ERC1: variants seen among roughly 807,000 people sequenced by gnomAD.
The protein encoded by ERC1 is ELKS/RAB6-interacting/CAST family member 1.
A neutral mutation model predicts 132.0 loss-of-function variants in ERC1; 56 were observed. The ratio of observed to expected loss-of-function variants is 0.42; its 90% confidence interval spans 0.34 to 0.53. The LOEUF (loss-of-function observed/expected upper bound fraction) is 0.53. Among genes scored for constraint, ERC1 ranks in the 20% least tolerant of loss-of-function variants. The pLI is 0.03. For synonymous variants in ERC1, 478 were observed against 476.1 expected (o/e 1.00, Z -0.05); for missense variants, 1,202 against 1,349.9 (o/e 0.89, Z 1.72).
chr12:1,205,516 C>A (rs529551836), intron 12 of ERC1, among the ~76,000 whole-genome samples: 3 of 151,598 alleles, frequency 2.0e-5, no homozygotes, highest in South Asian at 2.1e-4. Flanking sequence ...AAAGAGTTAG[C>A]CCGCCAAAAA....
chr12:1,067,622 G>T (rs1274720105), intron 2 of ERC1, among the ~76,000 whole-genome samples: 1 of 152,158 alleles, frequency 6.6e-6, no homozygotes, highest in African/African-American at 2.4e-5. Context: ...TAGGAAGGGA[G>T]CCCTGGATAC....
chr12:1,361,258 TG>T (rs2086080611), intron 15 of ERC1, among the ~76,000 whole-genome samples: 1 of 54,842 alleles, frequency 1.8e-5, no homozygotes, highest in African/African-American at 7.5e-5. Context: ...GGGACTGTTG[TG>T]GGGTGGGGGG....
At chr12:1,180,435 C>G in intron 8 of ERC1, 105 bp from the exon 9 acceptor site, 2 of 1,023,176 alleles carry the variant, frequency 2.0e-6, no homozygotes, top group Non-Finnish European at 2.9e-6. Flanking sequence ...TGCACACACA[C>G]AGACAACCCT....
chr12:1,424,837 A>C (rs1448823464), intron 17 of ERC1, among the ~76,000 whole-genome samples: 3 of 93,648 alleles, frequency 3.2e-5, no homozygotes, highest in Admixed American at 1.1e-4. Flanking sequence ...ATAGATAGAT[A>C]GATAGATGAT....
intron 1 of ERC1, among the ~76,000 whole-genome samples, chr12:1,022,402 T>A (rs2154146026): frequency 6.6e-6 from 1 of 152,348 alleles, no homozygotes; most frequent in African/African-American, 2.4e-5. Context: ...TCAGGGTATG[T>A]AGTGATTTTA....
chr12:1,111,212 T>C (rs990033618), intron 5 of ERC1, among the ~76,000 whole-genome samples: 4 of 152,168 alleles, frequency 2.6e-5, no homozygotes, highest in Non-Finnish European at 5.9e-5. Flanking sequence ...TCAGTCACAA[T>C]GTTCCTTCCT....
chr12:1,429,596 G>A (rs1191465098), intron 17 of ERC1, among the ~76,000 whole-genome samples: 1 of 152,042 alleles, frequency 6.6e-6, no homozygotes, highest in African/African-American at 2.4e-5. Flanking sequence ...TTAGGTACGT[G>A]GTAAAAAATA....
At chr12:1,400,698 T>G (rs1473423501) in intron 16 of ERC1, among the ~76,000 whole-genome samples, 1 of 152,104 alleles carries the variant, frequency 6.6e-6, no homozygotes, top group Non-Finnish European at 1.5e-5. Flanking sequence ...TCTTTCTCCA[T>G]TAGATTGTCT....
chr12:1,363,903 A>G (rs550257214), intron 15 of ERC1, among the ~76,000 whole-genome samples: 20 of 152,214 alleles, frequency 1.3e-4, no homozygotes, highest in Non-Finnish European at 2.4e-4. Flanking sequence ...TTGTTTCAGG[A>G]GATAGAGAAA....
intron 12 of ERC1, among the ~76,000 whole-genome samples, chr12:1,230,335 C>G (rs2074934892): frequency 6.6e-6 from 1 of 152,042 alleles, no homozygotes; most frequent in Non-Finnish European, 1.5e-5. Flanking sequence ...CTTCTTTGAC[C>G]CATTGGTTTT....
chr12:1,404,903 C>T (rs1228321337), intron 16 of ERC1, among the ~76,000 whole-genome samples: 1 of 152,052 alleles, frequency 6.6e-6, no homozygotes, highest in Non-Finnish European at 1.5e-5. Flanking sequence ...CTTTGGGAGG[C>T]TGAGGCAGGC....
chr12:1,040,609 A>G (rs1970043739), intron 2 of ERC1, among the ~76,000 whole-genome samples: 1 of 152,076 alleles, frequency 6.6e-6, no homozygotes, highest in Non-Finnish European at 1.5e-5. Context: ...CCCGGCCTAA[A>G]AATACTCATT....
chr12:1,204,362 G>T lies in ERC1; in HGVS notation c.2351+14310G>T. On this transcript the variant is annotated intron_variant, in intron 12 of 18. Transcript: ENST00000360905. ...CTGAAATAATTCTTTTTTAGTGACT[G>T]TATAGAATTTGTGACTCCTTCCCTT... 6.9e-6 allele frequency: 4 copies of T among 577,308 alleles called. No individual in the cohort carries two copies. The South Asian group carries it at 8.6e-5, about 12-fold the overall frequency. 35.8% of individuals were successfully genotyped at this position (577,308 alleles called of 1,614,324 possible).
intron 11 of ERC1, among the ~76,000 whole-genome samples, chr12:1,186,966 G>A (rs1594067639): frequency 6.6e-6 from 1 of 152,272 alleles, no homozygotes; most frequent in Non-Finnish European, 1.5e-5. Context: ...AAGTAGCTGG[G>A]ATTACAGGTG....
intron 12 of ERC1, among the ~76,000 whole-genome samples, chr12:1,209,586 G>T (rs1384881540): frequency 6.6e-6 from 1 of 152,114 alleles, no homozygotes; most frequent in Admixed American, 6.5e-5. Flanking sequence ...CAGATATTGG[G>T]TAATTTGATT....
rs1400764003 is a variant in ERC1, at chr12:1,083,410, G to A, written c.916G>A (p.Asp306Asn). Residue 306 changes from aspartate (D) to asparagine (N), a missense_variant, in exon 3 of 19, where the codon GAT becomes AAT. Physicochemically the swap from Asp to Asn is conservative, Grantham distance 23. Transcript: ENST00000360905. ...ETQKQTLNAR[D>N]ESIKKLLEML... ...TCAAAAGCAGACCCTAAATGCTCGG[G>A]ATGAATCCATTAAGAAGCTTCTGGA... is the stretch of plus-strand genomic sequence containing the variant. 12 of 1,614,204 alleles carry A rather than the reference G, an allele frequency of 7.4e-6. No individual in the cohort carries two copies. Among genetic ancestry groups the A allele is most frequent in the Non-Finnish European group, 1.0e-5 (12 of 1,180,028 alleles).
At chr12:1,268,815 T>C (rs1429951185) in intron 14 of ERC1, among the ~76,000 whole-genome samples, 1 of 152,140 alleles carries the variant, frequency 6.6e-6, no homozygotes, top group African/African-American at 2.4e-5. Flanking sequence ...ATGTTCAACA[T>C]GTTCCATGTA....
chr12:1,484,122 G>C lies in ERC1; in HGVS notation c.3214-5971G>C, dbSNP rs534670811. On this transcript the variant is annotated intron_variant, in intron 18 of 18. Coordinates refer to ENST00000360905, the MANE Select transcript of ERC1 (RefSeq NM_178040.4). ...AGATCAAGACCTTCCTGGCTAACAT[G>C]GTGAAACCCCATCTCTACTAAAAAT... Among the ~76,000 whole-genome samples, 127 of 151,578 alleles carry C rather than the reference G, an allele frequency of 8.4e-4. No individual in the cohort carries two copies. In the East Asian group the frequency reaches 9.5e-3, roughly 11 times the overall value.
intron 16 of ERC1, among the ~76,000 whole-genome samples, chr12:1,395,681 A>G (rs1030916781): frequency 6.6e-6 from 1 of 152,160 alleles, no homozygotes; most frequent in African/African-American, 2.4e-5. Context: ...TCTGGGTTAT[A>G]GAAGCCAGGA....
Sources: allele counts gnomAD v4.1 joint callset (sites outside exome capture counted in the v4.1 genomes callset), GRCh38; gene constraint gnomAD v4.1.1; transcripts MANE v1.5; gene names NCBI Gene and HGNC (gene_info 2026-07-23, HGNC 2026-07-21).